Variants in NRXN3 observed in about 807,000 individuals in gnomAD.
NRXN3 encodes neurexin 3.
A neutral mutation model predicts 137.6 loss-of-function variants in NRXN3; 32 were observed. That is an observed-to-expected ratio of 0.23 (90% CI 0.18 to 0.31). NRXN3 has a LOEUF of 0.31. Among genes scored for constraint, NRXN3 ranks in the 10% least tolerant of loss-of-function variants. NRXN3 has a pLI of 1.00. For missense variants in NRXN3, 1,574 were observed against 2,062.5 expected (o/e 0.76, Z 4.59); for synonymous variants, 798 against 784.5 (o/e 1.02, Z -0.29).
chr14:79,123,240 C>T (rs746077433), intron 15 of NRXN3, among the ~76,000 whole-genome samples: 1 of 151,686 alleles, frequency 6.6e-6, no homozygotes, highest in East Asian at 2.0e-4. Context: ...CGCGTGTGTG[C>T]GTGCGCGCAC....
At chr14:79,532,131 G>C (rs572736692) in intron 16 of NRXN3, among the ~76,000 whole-genome samples, 9 of 152,204 alleles carry the variant, frequency 5.9e-5, no homozygotes, top group African/African-American at 2.2e-4. Context: ...AAAATCTTGT[G>C]TTCTAAAGGG....
At chr14:79,681,993 A>G (rs931092003) in intron 17 of NRXN3, among the ~76,000 whole-genome samples, 3 of 151,964 alleles carry the variant, frequency 2.0e-5, no homozygotes, top group Non-Finnish European at 4.4e-5. Flanking sequence ...ATGTCTGATC[A>G]TTTTGCTTTA....
intron 2 of NRXN3, among the ~76,000 whole-genome samples, chr14:78,278,001 T>C (rs1280874968): frequency 6.6e-6 from 1 of 152,192 alleles, no homozygotes; most frequent in East Asian, 1.9e-4. Context: ...TGATGAATGA[T>C]CTACTCACAC....
rs74066335 is a variant in NRXN3, at chr14:78,682,300, T to G, written c.1222-26917T>G. 8.1e-3 allele frequency among the ~76,000 whole-genome samples: 1,232 copies of G among 152,140 alleles called. 19 individuals carry two copies. Among genetic ancestry groups the G allele is most frequent in the African/African-American group, 0.029 (1,186 of 41,504 alleles). ...TCCATTCACTGTTCTGTTTAGTTCA[T>G]GGATTAAGACTGTCAGCATCACGAA... On this transcript the variant is annotated intron_variant, in intron 6 of 20. Transcript: ENST00000335750.
intron 15 of NRXN3, among the ~76,000 whole-genome samples, chr14:79,167,187 A>G (rs1240005873): frequency 1.3e-5 from 2 of 152,066 alleles, no homozygotes; most frequent in African/African-American, 4.8e-5. Context: ...ATGATATGTT[A>G]TGAAGGAATT....
intron 15 of NRXN3, among the ~76,000 whole-genome samples, chr14:79,367,327 A>C (rs1426053906): frequency 6.6e-6 from 1 of 152,218 alleles, no homozygotes; most frequent in Non-Finnish European, 1.5e-5. Flanking sequence ...CGGATTGACA[A>C]CCATGTGGGT....
At chr14:78,966,950 A>AAAGGG (rs1394898857) in intron 12 of NRXN3, among the ~76,000 whole-genome samples, 1 of 152,170 alleles carries the variant, frequency 6.6e-6, no homozygotes, top group Non-Finnish European at 1.5e-5. Flanking sequence ...TGTAGTGTAC[A>AAAGGG]ACCTGTGCTA....
At chr14:79,661,447 T>C (rs1168847757) in intron 16 of NRXN3, among the ~76,000 whole-genome samples, 1 of 152,140 alleles carries the variant, frequency 6.6e-6, no homozygotes, top group Non-Finnish European at 1.5e-5. Flanking sequence ...CATTCTTTTA[T>C]TGGATACAAG....
intron 8 of NRXN3, among the ~76,000 whole-genome samples, chr14:78,791,071 G>T (rs1017010273): frequency 7.2e-5 from 11 of 152,166 alleles, no homozygotes; most frequent in Non-Finnish European, 1.5e-4. Flanking sequence ...TAGCCAAGAA[G>T]ATCCTGGTTA....
chr14:79,753,512 T>C (rs1267623365), intron 19 of NRXN3, among the ~76,000 whole-genome samples: 1 of 133,046 alleles, frequency 7.5e-6, no homozygotes, highest in Non-Finnish European at 1.5e-5. Flanking sequence ...TAGATGGGAA[T>C]TGAACAATGA....
At chr14:79,517,585 C>A (rs1601544840) in intron 16 of NRXN3, among the ~76,000 whole-genome samples, 1 of 151,990 alleles carries the variant, frequency 6.6e-6, no homozygotes, top group Non-Finnish European at 1.5e-5. Flanking sequence ...TTAGCACTAC[C>A]ATGTTTTGCT....
intron 6 of NRXN3, among the ~76,000 whole-genome samples, chr14:78,695,068 T>C (rs2098212627): frequency 6.6e-6 from 1 of 152,016 alleles, no homozygotes; most frequent in Admixed American, 6.6e-5. Context: ...AAGGAGAGAA[T>C]CTGTTGCTTG....
chr14:79,416,795 T>A (rs1274324589), intron 15 of NRXN3, among the ~76,000 whole-genome samples: 1 of 152,174 alleles, frequency 6.6e-6, no homozygotes, highest in Non-Finnish European at 1.5e-5. Flanking sequence ...CTTGTCAGTG[T>A]GATTGCAAGC....
rs186406333 is a variant in NRXN3, at chr14:78,736,086, C to G, written c.2044+20947C>G. Among the ~76,000 whole-genome samples the G allele has an allele frequency of 7.1e-4, 108 of 152,172 alleles. 2 individuals are homozygous for G. The highest frequency in any genetic ancestry group is 6.2e-3 in the East Asian group (32 of 5,146). ...TAAGGTGCTTTCCACCCACCCTATC[C>G]CCTATACAGCTACACACATAGATAT... On this transcript the variant is annotated intron_variant, in intron 8 of 20. Coordinates refer to ENST00000335750, the MANE Select transcript of NRXN3 (RefSeq NM_001330195.2).
chr14:78,682,845 A>G (rs937931534), intron 6 of NRXN3, among the ~76,000 whole-genome samples: 2 of 152,202 alleles, frequency 1.3e-5, no homozygotes, highest in Non-Finnish European at 2.9e-5. Context: ...GCCCATGGTT[A>G]TAGTCAGTCA....
At chr14:79,020,627 G>A (rs2099588020) in intron 15 of NRXN3, among the ~76,000 whole-genome samples, 1 of 151,858 alleles carries the variant, frequency 6.6e-6, no homozygotes, top group Admixed American at 6.6e-5. Flanking sequence ...GGTCAGGGTG[G>A]TGAGCTTGAT....
intron 15 of NRXN3, among the ~76,000 whole-genome samples, chr14:79,055,712 G>T (rs1017548458): frequency 6.6e-6 from 1 of 152,130 alleles, no homozygotes; most frequent in African/African-American, 2.4e-5. Context: ...ATCATACCTA[G>T]CCAAGAAAAT....
chr14:79,681,318 A>G (rs114290163), intron 17 of NRXN3, among the ~76,000 whole-genome samples: 2,362 of 152,176 alleles, frequency 0.016, 65 homozygotes, highest in African/African-American at 0.053. Flanking sequence ...TTCTTCCTGG[A>G]TCTCCTGAAT....
rs543861700 is a variant in NRXN3 at position 78,613,875 on chromosome 14, C to T, written c.758-31245C>T. 2.0e-5 allele frequency among the ~76,000 whole-genome samples: 3 copies of T among 152,198 alleles called. No homozygotes were observed. The South Asian group carries it at 6.2e-4, about 32-fold the overall frequency. Reference sequence around the variant, plus strand: ...AAGAAAACCAAGTGCATTCTTAAACCAGAAAAGTACACTCAGAAATCACGG... The same window carrying T: ...AAGAAAACCAAGTGCATTCTTAAACTAGAAAAGTACACTCAGAAATCACGG... On this transcript the variant is annotated intron_variant, in intron 4 of 20. Transcript: ENST00000335750.
Sources: allele counts gnomAD v4.1 joint callset (sites outside exome capture counted in the v4.1 genomes callset), GRCh38; gene constraint gnomAD v4.1.1; transcripts MANE v1.5; gene names NCBI Gene and HGNC (gene_info 2026-07-23, HGNC 2026-07-21).